Variants in FHIT observed in about 807,000 individuals in gnomAD.
FHIT encodes bis(5'-adenosyl)-triphosphatase.
A neutral mutation model predicts 17.9 loss-of-function variants in FHIT; 19 were observed. The observed-to-expected ratio is 1.06, with a 90% CI of 0.74 to 1.56. The LOEUF (loss-of-function observed/expected upper bound fraction) is 1.56. Among genes scored for constraint, FHIT ranks in the 40% most tolerant of loss-of-function variants. The probability of loss-of-function intolerance (pLI) is 0.00; values close to 1 mark genes in which losing one functional copy is unlikely to be tolerated. For synonymous variants in FHIT, 81 were observed against 69.7 expected (o/e 1.16, Z -0.81); for missense variants, 248 against 189.2 (o/e 1.31, Z -1.82).
rs186217795 is a variant in FHIT at position 61,116,686 on chromosome 3, A to G, written c.-163-74587T>C. 3.9e-3 allele frequency among the ~76,000 whole-genome samples: 590 copies of G among 151,654 alleles called. 2 individuals carry two copies. Among genetic ancestry groups the G allele is most frequent in the African/African-American group, 0.013 (557 of 41,514 alleles). On this transcript the variant is annotated intron_variant, in intron 2 of 9. Transcript: ENST00000492590. ...GATAAAGATGAGGATACAAACACAG[A>G]AAGTTAAAGTATCTTTCAAAGCACC...
chr3:60,115,273 A>T (rs1446413235), intron 5 of FHIT, among the ~76,000 whole-genome samples: 1 of 152,180 alleles, frequency 6.6e-6, no homozygotes, highest in East Asian at 1.9e-4. Flanking sequence ...AGTATTAAAG[A>T]CGAAGAGCTA....
chr3:61,025,320 T>C (rs1410321434), intron 3 of FHIT, among the ~76,000 whole-genome samples: 1 of 152,214 alleles, frequency 6.6e-6, no homozygotes, highest in East Asian at 1.9e-4. Context: ...AATATGATTG[T>C]TGCTGCAGTA....
chr3:60,568,162 G>A (rs2037209542), intron 4 of FHIT, among the ~76,000 whole-genome samples: 1 of 152,192 alleles, frequency 6.6e-6, no homozygotes, highest in East Asian at 1.9e-4. Flanking sequence ...GCACACACAT[G>A]TTTATTGCGG....
At chr3:60,123,288 G>A (rs72882758) in intron 5 of FHIT, among the ~76,000 whole-genome samples, 21,712 of 152,102 alleles carry the variant, frequency 0.14, 1,704 homozygotes, top group South Asian at 0.21. Context: ...TATCATTACT[G>A]AAATATAAAG....
intron 7 of FHIT, among the ~76,000 whole-genome samples, chr3:59,937,918 C>T (rs1424425626): frequency 6.6e-6 from 1 of 152,094 alleles, no homozygotes; most frequent in East Asian, 1.9e-4. Flanking sequence ...CCTTCTAACT[C>T]AAGTGAGCAG....
chr3:60,031,373 T>C (rs936684460), intron 5 of FHIT, among the ~76,000 whole-genome samples: 6 of 152,220 alleles, frequency 3.9e-5, no homozygotes, highest in Non-Finnish European at 8.8e-5. Context: ...CCTTTGACTA[T>C]AGCATTGCAA....
At position 60,335,444 on chromosome 3, in the gene FHIT, T is replaced by G. The variant is rs113172508; in HGVS notation, c.103+201416A>C. Among the ~76,000 whole-genome samples the G allele has an allele frequency of 3.1e-3, 469 of 152,332 alleles. 1 individual carries two copies. Among genetic ancestry groups the G allele is most frequent in the African/African-American group, 0.011 (449 of 41,572 alleles). On this transcript the variant is annotated intron_variant, in intron 5 of 9. Coordinates refer to ENST00000492590, the MANE Select transcript of FHIT (RefSeq NM_002012.4). ...AGCTGATAAACTGAAGATCTCTGCT[T>G]GGCATTTGATAGTTCATCATTTACA...
At chr3:60,888,882 C>T (rs6772800) in intron 3 of FHIT, among the ~76,000 whole-genome samples, 41,865 of 152,004 alleles carry the variant, frequency 0.28, 6,970 homozygotes, top group African/African-American at 0.46. Context: ...AATGGTAAAT[C>T]AAGATATTGA....
intron 5 of FHIT, among the ~76,000 whole-genome samples, chr3:60,049,658 A>C (rs1227260325): frequency 6.6e-6 from 1 of 152,194 alleles, no homozygotes; most frequent in Non-Finnish European, 1.5e-5. Flanking sequence ...AATAAAATAC[A>C]GCATTAACAT....
chr3:61,025,164 T>C (rs991726719), intron 3 of FHIT, among the ~76,000 whole-genome samples: 1 of 152,142 alleles, frequency 6.6e-6, no homozygotes, highest in African/African-American at 2.4e-5. Context: ...CTGTTAGACA[T>C]CCGAAGATCA....
chr3:60,681,485 T>A (rs1404312317), intron 4 of FHIT, among the ~76,000 whole-genome samples: 1 of 152,152 alleles, frequency 6.6e-6, no homozygotes, highest in Non-Finnish European at 1.5e-5. Context: ...TGTCTCTCCC[T>A]GTAGATCAAA....
At chr3:60,759,900 G>C (rs781834663) in intron 4 of FHIT, among the ~76,000 whole-genome samples, 1 of 152,014 alleles carries the variant, frequency 6.6e-6, no homozygotes, top group Non-Finnish European at 1.5e-5. Context: ...AATTATGCAG[G>C]CTTCTTTCTT....
rs955853209 is a variant in FHIT at position 60,258,596 on chromosome 3, T to G, written c.104-244444A>C. On this transcript the variant is annotated intron_variant, in intron 5 of 9. Coordinates refer to ENST00000492590, the MANE Select transcript of FHIT (RefSeq NM_002012.4). ...AGTATAGGGGAAAAATATATTTTCC[T>G]CACTCACCACTAAGTTCATGGCTGA... Among the ~76,000 whole-genome samples the G allele has an allele frequency of 9.2e-4, 140 of 152,238 alleles. 1 individual carries two copies. The highest frequency in any genetic ancestry group is 3.2e-3 in the African/African-American group (132 of 41,552).
intron 7 of FHIT, among the ~76,000 whole-genome samples, chr3:59,943,340 TA>T (rs977256970): frequency 2.0e-5 from 3 of 151,946 alleles, no homozygotes; most frequent in African/African-American, 7.3e-5. Context: ...GGGAGCAGAC[TA>T]AAAAATATGT....
chr3:61,014,166 C>G (rs1228734635), intron 3 of FHIT, among the ~76,000 whole-genome samples: 2 of 152,162 alleles, frequency 1.3e-5, no homozygotes, highest in Admixed American at 6.5e-5. Context: ...TTTGTGTTCT[C>G]TCCTTGGAAG....
intron 4 of FHIT, among the ~76,000 whole-genome samples, chr3:60,544,701 A>G (rs2036305121): frequency 6.7e-6 from 1 of 149,430 alleles, no homozygotes; most frequent in African/African-American, 2.5e-5. Flanking sequence ...GGTTCAAGCG[A>G]TTCTCCTGCC....
intron 4 of FHIT, among the ~76,000 whole-genome samples, chr3:60,733,396 C>G (rs2042072077): frequency 6.6e-6 from 1 of 152,184 alleles, no homozygotes; most frequent in African/African-American, 2.4e-5. Flanking sequence ...TTTCTATATT[C>G]CTGTGTAGCA....
At chr3:60,366,073 G>T (rs1030835060) in intron 5 of FHIT, among the ~76,000 whole-genome samples, 4 of 152,140 alleles carry the variant, frequency 2.6e-5, no homozygotes, top group Non-Finnish European at 5.9e-5. Flanking sequence ...GTATTGCTTT[G>T]CATGATTTAT....
chr3:60,986,811 A>G (rs990343804), intron 3 of FHIT, among the ~76,000 whole-genome samples: 1 of 152,108 alleles, frequency 6.6e-6, no homozygotes, highest in Non-Finnish European at 1.5e-5. Context: ...TGTGCTTGGC[A>G]ACGTTCTGAG....
Sources: gnomAD v4.1 joint callset for allele counts (sites outside exome capture counted in the v4.1 genomes callset) on GRCh38, gnomAD v4.1.1 for gene constraint, MANE v1.5 for transcripts, NCBI Gene and HGNC (gene_info 2026-07-23, HGNC 2026-07-21) for gene names.